Variants in HEATR5B observed in about 807,000 individuals in gnomAD.
HEATR5B encodes HEAT repeat containing 5B, also known as HEAT repeat-containing protein 5B.
A neutral mutation model predicts 224.1 loss-of-function variants in HEATR5B; 156 were observed. The ratio of observed to expected loss-of-function variants is 0.70; its 90% CI spans 0.61 to 0.80. The LOEUF is 0.80. HEATR5B is among the 30% of genes least tolerant of loss of function. HEATR5B has a pLI of 0.00. For missense variants in HEATR5B, 2,323 were observed against 2,535.5 expected (o/e 0.92, Z 1.80); for synonymous variants, 1,027 against 893.0 (o/e 1.15, Z -2.68).
chr2:37,037,321 T>G (rs1174039589), intron 21 of HEATR5B, among the ~76,000 whole-genome samples: 1 of 151,248 alleles, frequency 6.6e-6, no homozygotes, highest in Admixed American at 6.6e-5. Flanking sequence ...AATTTTGTAT[T>G]TTTAGTATAG....
intron 24 of HEATR5B, 22 bp downstream of exon 24, chr2:37,027,901 A>G (rs1393849390): frequency 6.2e-7 from 1 of 1,606,820 alleles, no homozygotes; most frequent in Admixed American, 1.7e-5. Context: ...CTTTGGGGAA[A>G]AAGTACTGAT....
chr2:37,031,123 G>A (rs992515226), intron 22 of HEATR5B, among the ~76,000 whole-genome samples: 1 of 152,174 alleles, frequency 6.6e-6, no homozygotes, highest in Non-Finnish European at 1.5e-5. Flanking sequence ...GCTGGGTTGC[G>A]ATCTCTATGA....
chr2:37,070,218 C>G lies in HEATR5B; in HGVS notation c.927+12G>C. 1 of 1,613,586 alleles carries G rather than the reference C, an allele frequency of 6.2e-7. No individual in the cohort carries two copies. Among genetic ancestry groups the G allele is most frequent in the Non-Finnish European group, 8.5e-7 (1 of 1,179,668 alleles). ...CCTGGCCAAAATTCTTTCACACATA[C>G]GTGTTACAAACCTGCGTAACTCCAA... is the stretch of plus-strand genomic sequence containing the variant. On this transcript the variant is annotated intron_variant, in intron 7 of 35. Coordinates refer to ENST00000233099, the MANE Select transcript of HEATR5B (RefSeq NM_019024.3).
intron 20 of HEATR5B, among the ~76,000 whole-genome samples, chr2:37,038,596 C>G (rs537297588): frequency 6.6e-6 from 1 of 152,304 alleles, no homozygotes; most frequent in Admixed American, 6.5e-5. Context: ...CTTCATATCC[C>G]TGTGACATTC....
At chr2:37,003,498 T>A (rs1251835011) in intron 31 of HEATR5B, 44 bp downstream of exon 31, 2 of 1,369,834 alleles carry the variant, frequency 1.5e-6, no homozygotes, top group Admixed American at 2.1e-5. Context: ...AATTAGAGTA[T>A]AAAATAAGAT....
intron 4 of HEATR5B, chr2:37,076,229 T>C (rs975109604): frequency 6.6e-6 from 1 of 152,328 alleles, no homozygotes; most frequent in Non-Finnish European, 1.5e-5. Context: ...CATCTTTGTA[T>C]GTTTAATGCC....
intron 21 of HEATR5B, among the ~76,000 whole-genome samples, chr2:37,034,089 A>C (rs1268613690): frequency 6.6e-6 from 1 of 151,896 alleles, no homozygotes; most frequent in African/African-American, 2.4e-5. Flanking sequence ...TTTGTAATTC[A>C]AGATATACTT....
At chr2:36,983,948 C>A (rs1665754406) in intron 35 of HEATR5B, among the ~76,000 whole-genome samples, 1 of 151,260 alleles carries the variant, frequency 6.6e-6, no homozygotes, top group Non-Finnish European at 1.5e-5. Context: ...CCTGTAATCT[C>A]AGCACTTTGG....
chr2:37,038,920 G>GCGGA (rs58707175), intron 20 of HEATR5B, among the ~76,000 whole-genome samples: 1 of 124,590 alleles, frequency 8.0e-6, no homozygotes, highest in Non-Finnish European at 1.7e-5. Flanking sequence ...GGGGGGTGGG[G>GCGGA]AATCACATAT....
chr2:37,064,940 G>C lies in HEATR5B; in HGVS notation c.1384C>G (p.Arg462Gly). 2 of 1,613,986 alleles carry C rather than the reference G, an allele frequency of 1.2e-6. No homozygotes were observed. Residue 462 changes from arginine to glycine, a missense_variant, in exon 10 of 36, where the codon CGA becomes GGA. Arg to Gly is a moderately radical substitution (Grantham distance 125, BLOSUM62 -2). Around this residue, in one of 12 missense-constraint regions of HEATR5B, gnomAD observed 502 missense variants for 517.8 expected, o/e 0.97. Coordinates refer to ENST00000233099, the MANE Select transcript of HEATR5B (RefSeq NM_019024.3). ...SVLLHPSMAA[R>G]LAAAWCLRCV... is the part of the protein sequence containing the mutation. ...CGCAAACACCATGCAGCAGCAAGTC[G>C]GGCAGCCATGCTTGGATGAAGCAGC...
intron 24 of HEATR5B, among the ~76,000 whole-genome samples, chr2:37,025,370 T>G (rs1668704516): frequency 6.6e-6 from 1 of 151,718 alleles, no homozygotes; most frequent in Non-Finnish European, 1.5e-5. Context: ...ACAATTAAGT[T>G]TATTAAAGAA....
chr2:37,021,496 G>A (rs952553217), intron 24 of HEATR5B, among the ~76,000 whole-genome samples: 1 of 152,146 alleles, frequency 6.6e-6, no homozygotes, highest in African/African-American at 2.4e-5. Flanking sequence ...ACAGGTATAG[G>A]ACAATGACAA....
At chr2:37,071,983 C>CA (rs1349527301) in intron 6 of HEATR5B, 127 bp downstream of exon 6, 11 of 715,784 alleles carry the variant, frequency 1.5e-5, no homozygotes, top group East Asian at 1.5e-4. Context: ...CGCGCCCAGC[C>CA]AGGTTCTTTC....
In HEATR5B at chr2:37,000,666, T is replaced by C. The variant is rs1420629377; in HGVS notation, c.5465A>G (p.Lys1822Arg). Reference sequence around the variant, plus strand: ...CTGTTTTTGAACGCCAGCCTCAGTTTTGGCCATTGAAAGTGTCACAATACT... The same window carrying C: ...CTGTTTTTGAACGCCAGCCTCAGTTCTGGCCATTGAAAGTGTCACAATACT... ...IKSIVTLSMA[K>R]TEAGVQKQWT... Residue 1822 changes from lysine to arginine, a missense_variant, in exon 33 of 36, where the codon AAA (lysine) becomes AGA (arginine). Transcript: ENST00000233099. 1.2e-6 allele frequency: 2 copies of C among 1,614,110 alleles called. No homozygotes were observed. The highest frequency in any genetic ancestry group is 8.5e-7 in the Non-Finnish European group (1 of 1,180,042).
In HEATR5B at chr2:37,023,436, G is replaced by T. The variant is rs538689588; in HGVS notation, c.3854-2600C>A. On this transcript the variant is annotated intron_variant, in intron 24 of 35. Transcript: ENST00000233099. ...GATGTGTATCTTCATATTTTTTCAT[G>T]TGCCTACCAAAAAAACTAATTTTAG... Among the ~76,000 whole-genome samples, 4 of 152,100 alleles carry T rather than the reference G, an allele frequency of 2.6e-5. No homozygotes were observed. In the East Asian group the frequency reaches 5.8e-4, roughly 22 times the overall value.
intron 27 of HEATR5B, 84 bp downstream of exon 27, chr2:37,013,756 AT>A: frequency 7.9e-7 from 1 of 1,260,362 alleles, no homozygotes; most frequent in East Asian, 2.5e-5. Context: ...AAAAACAAAA[AT>A]TTTTTTACCA....
At chr2:37,004,457 C>T (rs1667286022) in intron 30 of HEATR5B, among the ~76,000 whole-genome samples, 1 of 151,468 alleles carries the variant, frequency 6.6e-6, no homozygotes, top group Non-Finnish European at 1.5e-5. Context: ...GCACTATTCC[C>T]AAAGCCTCCA....
At position 37,062,050 on chromosome 2, in the gene HEATR5B, T is replaced by C. The variant is rs1558362975; in HGVS notation, c.1585A>G (p.Met529Val). ...AGATCTTCAGCAATACTAACTACCA[T>C]CTGCAAGAAAAGTTTAGAATTGGAT... is the stretch of plus-strand genomic sequence containing the variant. Reference protein sequence around the residue: ...PLGIPHAKGKMVVSIAEDLLR... With the variant: ...PLGIPHAKGKVVVSIAEDLLR... Residue 529 changes from methionine to valine, a missense_variant and splice_region_variant, in exon 11 of 36, where the codon ATG (methionine) becomes GTG (valine). Coordinates refer to ENST00000233099, the MANE Select transcript of HEATR5B (RefSeq NM_019024.3). 3.2e-6 allele frequency: 5 copies of C among 1,571,586 alleles called. No individual in the cohort carries two copies. Among genetic ancestry groups the C allele is most frequent in the African/African-American group, 1.3e-5 (1 of 74,080 alleles).
intron 18 of HEATR5B, 68 bp from the exon 19 acceptor site, chr2:37,041,360 T>A: frequency 7.0e-6 from 10 of 1,434,758 alleles, no homozygotes; most frequent in Non-Finnish European, 9.7e-6. Context: ...ACATTATAAG[T>A]CACACAAAAA....
Sources: gnomAD v4.1 joint callset for allele counts (sites outside exome capture counted in the v4.1 genomes callset) on GRCh38, gnomAD v4.1.1 for gene constraint, gnomAD v4.1.1 regional missense constraint, MANE v1.5 for transcripts, NCBI Gene and HGNC (gene_info 2026-07-23, HGNC 2026-07-21) for gene names.